NFASC: variants seen among roughly 807,000 people sequenced by gnomAD.
NFASC encodes neurofascin homolog.
In NFASC, 43 loss-of-function variants were observed where a neutral mutation model predicts 147.5. That is an observed-to-expected ratio of 0.29 (90% CI 0.23 to 0.38). The LOEUF (loss-of-function observed/expected upper bound fraction) is 0.38, where lower values mean the gene tolerates loss of function less well. Ranked by LOEUF, NFASC falls within the 10% of genes least tolerant of loss-of-function variation. NFASC has a pLI of 1.00. For missense variants in NFASC, 1,320 were observed against 1,689.0 expected, an observed-to-expected ratio of 0.78 and a Z score of 3.83; for synonymous variants, 622 against 665.5, an observed-to-expected ratio of 0.93 and a Z score of 1.01.
In NFASC at chr1:204,973,332, AC is replaced by A; in HGVS notation, c.1195del (p.Gln399ArgfsTer44). 1 of 1,614,242 alleles carries A rather than the reference AC, an allele frequency of 6.2e-7. No individual in the cohort carries two copies. Among genetic ancestry groups the A allele is most frequent in the Non-Finnish European group, 8.5e-7 (1 of 1,180,042 alleles). On this transcript the variant is annotated frameshift_variant, in exon 12 of 30. Transcript: ENST00000339876. LOFTEE classifies it high-confidence loss of function. ...CGGAGACACCATCATCTTCCGGGAC[AC>A]CCAGATCAGCAGCAGGGCTGTGTAC... ...VAGDTIIFRD[T>X]QISSRAVYQC...
chr1:205,006,612 C>A (rs2096117855), intron 27 of NFASC, among the ~76,000 whole-genome samples: 1 of 152,136 alleles, frequency 6.6e-6, no homozygotes. Context: ...AAGGTGGCAC[C>A]ATTGGAAGCC....
At position 204,828,683 on chromosome 1, in the gene NFASC, G is replaced by A. The variant is rs1671306707; in HGVS notation, c.-299G>A. 2.0e-6 allele frequency: 2 copies of A among 985,414 alleles called. No homozygotes were observed. The highest frequency in any genetic ancestry group is 2.4e-6 in the Non-Finnish European group (2 of 830,112). The allele number at this position is 985,414 out of a possible 1,614,324, so 61.0% of individuals were successfully genotyped here. On this transcript the variant is annotated 5_prime_UTR_variant, in exon 1 of 30. Transcript: ENST00000339876. ...GGGCTGGTCTCTGCCCTAATGCGGC[G>A]GCTGGCGGCGAGAGGCGCTGCAGGG... is the stretch of plus-strand genomic sequence containing the variant.
chr1:204,964,915 C>G (rs2094866184), intron 8 of NFASC, among the ~76,000 whole-genome samples: 1 of 152,162 alleles, frequency 6.6e-6, no homozygotes, highest in African/African-American at 2.4e-5. Flanking sequence ...GATCAAGAGG[C>G]ATTTATCGTT....
chr1:204,953,062 C>T (rs923671623), intron 5 of NFASC, among the ~76,000 whole-genome samples: 2 of 152,194 alleles, frequency 1.3e-5, no homozygotes, highest in African/African-American at 4.8e-5. Context: ...TGGTCTTTCC[C>T]CCATGGTTCC....
At chr1:204,841,508 A>G (rs911990) in intron 1 of NFASC, among the ~76,000 whole-genome samples, 32,771 of 152,000 alleles carry the variant, frequency 0.22, 5,346 homozygotes, top group East Asian at 0.52. Context: ...TGTGAGTCTT[A>G]GCCAACACCA....
Position 204,987,333 on chromosome 1 carries a change from C to T in NFASC, c.2471-85C>T. ...GGGGTTGTCCAGAGGTCAATGCCTT[C>T]ATACTTGTGCTTTGTTTTTTGTGTT... is the stretch of plus-strand genomic sequence containing the variant. On this transcript the variant is annotated intron_variant, in intron 21 of 29. Transcript: ENST00000339876. This position sits in a 1 kb window ranked among gnomAD's most constrained non-coding sequence, Gnocchi z 4.4. 1 of 1,344,072 alleles carries T rather than the reference C, an allele frequency of 7.4e-7. No individual in the cohort carries two copies. Among genetic ancestry groups the T allele is most frequent in the Non-Finnish European group, 1.0e-6 (1 of 960,358 alleles). The allele number at this position is 1,344,072 out of a possible 1,614,324, so 83.3% of individuals were successfully genotyped here. A position where few individuals can be genotyped will look rare whatever the true frequency, so the allele number is the denominator to read the frequency against.
In NFASC at chr1:204,830,990, G is replaced by A. The variant is rs575708093; in HGVS notation, c.-200+2208G>A. Among the ~76,000 whole-genome samples, 19 of 152,264 alleles carry A rather than the reference G, an allele frequency of 1.2e-4. No homozygotes were observed. The East Asian group carries it at 2.1e-3, about 17-fold the overall frequency. ...GCACCTTGCTTTGTCACCCTTCTCC[G>A]TCGCCTCTCCAGCGTGAGAGGGGGT... On this transcript the variant is annotated intron_variant, in intron 1 of 29. Transcript: ENST00000339876.
Position 204,952,022 on chromosome 1 carries a change from C to G in NFASC, c.121C>G (p.Pro41Ala). 6.2e-7 allele frequency: 1 copy of G among 1,614,114 alleles called. No homozygotes were observed. The highest frequency in any genetic ancestry group is 8.5e-7 in the Non-Finnish European group (1 of 1,180,008). ...PSIQNELTQPPTITKQSAKDH... is the reference protein window; with the variant it reads ...PSIQNELTQPATITKQSAKDH... ...GTGCACTGTTGCAGTGACGCAGCCGCCAACCATCACCAAGCAGTCAGCGAA... is the reference window on the plus strand; with the variant it reads ...GTGCACTGTTGCAGTGACGCAGCCGGCAACCATCACCAAGCAGTCAGCGAA... Residue 41 changes from proline (P) to alanine (A), a missense_variant, in exon 5 of 30, where the codon CCA becomes GCA. By Grantham distance (27) the Pro-to-Ala change is conservative (BLOSUM62 -1). Coordinates refer to ENST00000339876, the MANE Select transcript of NFASC (RefSeq NM_001005388.3).
At chr1:204,841,067 C>G (rs750088) in intron 1 of NFASC, among the ~76,000 whole-genome samples, 32,692 of 152,026 alleles carry the variant, frequency 0.22, 5,291 homozygotes, top group East Asian at 0.52. Flanking sequence ...GACTCACGTC[C>G]TAACGACCCT....
chr1:204,954,694 G>A lies in NFASC; in HGVS notation c.413-135G>A, dbSNP rs144473487. On this transcript the variant is annotated intron_variant, in intron 6 of 29. Transcript: ENST00000339876. This position sits in a 1 kb window ranked among gnomAD's most constrained non-coding sequence, Gnocchi z 5.7. The stretch of plus-strand genomic sequence containing the variant: ...CCCCTTGAGTAGGCTCACGTGCCCC[G>A]TCCCTCTCTCTTGCTCCCTCCTTCT... 400 of 1,086,958 alleles carry A rather than the reference G, an allele frequency of 3.7e-4. 4 individuals carry two copies. The African/African-American group carries it at 5.1e-3, about 14-fold the overall frequency. The allele number at this position is 1,086,958 out of a possible 1,614,324, so 67.3% of individuals were successfully genotyped here. A position where few individuals can be genotyped will look rare whatever the true frequency, so the allele number is the denominator to read the frequency against.
At chr1:204,854,653 A>G (rs551241500) in intron 1 of NFASC, among the ~76,000 whole-genome samples, 1 of 152,202 alleles carries the variant, frequency 6.6e-6, no homozygotes, top group Non-Finnish European at 1.5e-5. Flanking sequence ...GACACAAAGC[A>G]TCAACTTAGT....
chr1:204,993,177 TTTCCC>T (rs1399395577), intron 24 of NFASC, among the ~76,000 whole-genome samples: 2 of 152,178 alleles, frequency 1.3e-5, no homozygotes, highest in South Asian at 4.1e-4. Flanking sequence ...CTGGGCACTA[TTTCCC>T]CAAACTGCCC....
At chr1:204,977,434 G>A (rs1402585388) in intron 16 of NFASC, among the ~76,000 whole-genome samples, 6 of 152,210 alleles carry the variant, frequency 3.9e-5, no homozygotes. Context: ...TGCAGAGAGG[G>A]TGGGCCCAGA....
chr1:204,843,981 G>A (rs928883599), intron 1 of NFASC, among the ~76,000 whole-genome samples: 3 of 152,158 alleles, frequency 2.0e-5, no homozygotes, highest in African/African-American at 7.2e-5. Flanking sequence ...CAGGTGATCC[G>A]CTTGCTTCGG....
Position 205,016,601 on chromosome 1 carries a change from A to T in NFASC, c.*62A>T. On this transcript the variant is annotated 3_prime_UTR_variant, in exon 30 of 30. Transcript: ENST00000339876. The surrounding 1 kb of genome is among the most constrained non-coding windows in gnomAD (Gnocchi z 5.1). The stretch of plus-strand genomic sequence containing the variant: ...GGGAGGAGGGGAGAAGGGGAGACAA[A>T]ACCACTGCAGACCTACCACGAAGCC... 8.3e-7 allele frequency: 1 copy of T among 1,211,252 alleles called. No individual in the cohort carries two copies. Among genetic ancestry groups the T allele is most frequent in the South Asian group, 1.2e-5 (1 of 82,260 alleles). 75.0% of individuals were successfully genotyped at this position (1,211,252 alleles called of 1,614,324 possible).
Position 204,979,495 on chromosome 1 carries a change from C to T in NFASC, c.2112C>T (p.Ala704=). ...PYVNYQFRVI[A]INEVGSSHPS... Reference sequence around the variant, plus strand: ...TCAACTACCAGTTCCGTGTCATTGCCATCAACGAGGTTGGGAGCAGCCACC... The same window carrying T: ...TCAACTACCAGTTCCGTGTCATTGCTATCAACGAGGTTGGGAGCAGCCACC... The change falls in exon 19 of 30, where the codon GCC becomes GCT. Residue 704 remains alanine (A), a synonymous_variant. Transcript: ENST00000339876. This position sits in a 1 kb window ranked among gnomAD's most constrained non-coding sequence, Gnocchi z 6.0. 6.2e-7 allele frequency: 1 copy of T among 1,613,922 alleles called. No homozygotes were observed. The highest frequency in any genetic ancestry group is 8.5e-7 in the Non-Finnish European group (1 of 1,180,040).
At chr1:204,937,768 C>A (rs115411479) in intron 2 of NFASC, among the ~76,000 whole-genome samples, 1 of 152,178 alleles carries the variant, frequency 6.6e-6, no homozygotes, top group Admixed American at 6.5e-5. Context: ...ACGTGCAGGT[C>A]GGTTGTGTTT....
At chr1:204,974,117 G>A (rs2095339679) in intron 12 of NFASC, 62 bp from the exon 13 acceptor site, 10 of 1,367,258 alleles carry the variant, frequency 7.3e-6, no homozygotes, top group African/African-American at 1.4e-5. Flanking sequence ...AGGTGAGACC[G>A]AGGGGGAAGA....
At chr1:204,852,773 G>A (rs1478969012) in intron 1 of NFASC, among the ~76,000 whole-genome samples, 1 of 152,256 alleles carries the variant, frequency 6.6e-6, no homozygotes, top group Non-Finnish European at 1.5e-5. Flanking sequence ...GGGACTCTGG[G>A]GGTACTGCTG....
Sources: gnomAD v4.1 joint callset for allele counts (sites outside exome capture counted in the v4.1 genomes callset) on GRCh38, gnomAD v4.1.1 for gene constraint, Gnocchi (gnomAD v3.1) non-coding constraint, MANE v1.5 for transcripts, NCBI Gene and HGNC (gene_info 2026-07-23, HGNC 2026-07-21) for gene names.